Variants in DENND6A observed in about 807,000 individuals in gnomAD.
DENND6A encodes DENN domain containing 6A, also known as protein DENND6A.
In DENND6A, 43 loss-of-function variants were observed where a neutral mutation model predicts 95.5. That is an observed-to-expected ratio of 0.45 (90% confidence interval 0.35 to 0.58). DENND6A has a LOEUF of 0.58. Ranked by LOEUF, DENND6A falls within the 20% of genes least tolerant of loss-of-function variation. DENND6A has a pLI of 0.00. For missense variants in DENND6A, 574 were observed against 736.0 expected, an observed-to-expected ratio of 0.78 and a Z score of 2.55; for synonymous variants, 257 against 260.4, an observed-to-expected ratio of 0.99 and a Z score of 0.13.
At chr3:57,641,983 T>C (rs1236199216) in intron 11 of DENND6A, among the ~76,000 whole-genome samples, 1 of 152,058 alleles carries the variant, frequency 6.6e-6, no homozygotes, top group Non-Finnish European at 1.5e-5. Context: ...CACCCAGTTA[T>C]GATGCCAAAA....
chr3:57,666,240 T>C lies in DENND6A; in HGVS notation c.320-5A>G. 6.2e-7 allele frequency: 1 copy of C among 1,601,974 alleles called. No homozygotes were observed. On this transcript the variant is annotated splice_region_variant and splice_polypyrimidine_tract_variant and intron_variant, in intron 3 of 19. Transcript: ENST00000311128. Reference sequence around the variant, plus strand: ...ACTGGGTATCTCCAAGACAACCTAATGAAAATAAAAATGAAATAAATTAAG... The same window carrying C: ...ACTGGGTATCTCCAAGACAACCTAACGAAAATAAAAATGAAATAAATTAAG...
At chr3:57,639,260 C>T (rs897175651) in intron 12 of DENND6A, among the ~76,000 whole-genome samples, 4 of 152,206 alleles carry the variant, frequency 2.6e-5, no homozygotes, top group African/African-American at 4.8e-5. Flanking sequence ...AAAATGACAA[C>T]ATCAAATGTT....
intron 9 of DENND6A, among the ~76,000 whole-genome samples, chr3:57,651,018 AGATGATCTG>A (rs1267261307): frequency 6.6e-5 from 10 of 152,190 alleles, no homozygotes; most frequent in Admixed American, 6.5e-4. Context: ...TCCCGATCTC[AGATGATCTG>A]ACCACCTTGG....
At chr3:57,651,846 G>T (rs903288313) in intron 9 of DENND6A, among the ~76,000 whole-genome samples, 1 of 152,064 alleles carries the variant, frequency 6.6e-6, no homozygotes, top group Non-Finnish European at 1.5e-5. Context: ...GGTAATAATG[G>T]ATTAGAATCT....
intron 19 of DENND6A, 140 bp from the exon 20 acceptor site, chr3:57,628,485 G>T: frequency 8.2e-7 from 1 of 1,218,384 alleles, no homozygotes; most frequent in Non-Finnish European, 1.1e-6. Flanking sequence ...AACTAAAAAA[G>T]CAAGGAGCAT....
At chr3:57,651,345 G>A (rs115190210) in intron 9 of DENND6A, among the ~76,000 whole-genome samples, 1,981 of 152,296 alleles carry the variant, frequency 0.013, 48 homozygotes, top group African/African-American at 0.045. Context: ...AGGAGCATCT[G>A]TACTGATTCA....
chr3:57,649,148 T>C (rs1405150205), intron 9 of DENND6A, among the ~76,000 whole-genome samples: 1 of 152,030 alleles, frequency 6.6e-6, no homozygotes, highest in Non-Finnish European at 1.5e-5. Context: ...ATAAGGAACT[T>C]AAATCAGCAA....
At chr3:57,637,241 G>A (rs1478715718) in intron 12 of DENND6A, among the ~76,000 whole-genome samples, 1 of 152,144 alleles carries the variant, frequency 6.6e-6, no homozygotes, top group African/African-American at 2.4e-5. Flanking sequence ...GCTGGTTACT[G>A]CCATCATTCA....
intron 3 of DENND6A, among the ~76,000 whole-genome samples, chr3:57,671,543 G>T (rs1290845541): frequency 6.6e-6 from 1 of 150,744 alleles, no homozygotes; most frequent in Non-Finnish European, 1.5e-5. Context: ...AAAAAAAAAA[G>T]GAAGTAACCA....
rs2153411448 is a variant in DENND6A, at chr3:57,627,300, TG to T, written c.*913del. On this transcript the variant is annotated 3_prime_UTR_variant, in exon 20 of 20. Coordinates refer to ENST00000311128, the MANE Select transcript of DENND6A (RefSeq NM_152678.3). The stretch of plus-strand genomic sequence containing the variant: ...CTGGGATTACAGGCGCGTGCCACCA[TG>T]CCTGGCTAATTTTTGTATTTTTACT... The T allele has an allele frequency of 6.6e-6, 1 of 152,130 alleles. No individual in the cohort carries two copies. The highest frequency in any genetic ancestry group is 2.4e-5 in the African/African-American group (1 of 41,496). 9.4% of individuals were successfully genotyped at this position (152,130 alleles called of 1,614,324 possible).
chr3:57,673,669 C>T (rs1329734820), intron 1 of DENND6A, among the ~76,000 whole-genome samples: 1 of 152,164 alleles, frequency 6.6e-6, no homozygotes, highest in African/African-American at 2.4e-5. Context: ...TGCATGTCTG[C>T]ATCAAAATAT....
intron 12 of DENND6A, 30 bp downstream of exon 12, chr3:57,641,623 T>C (rs746154975): frequency 6.3e-7 from 1 of 1,584,258 alleles, no homozygotes; most frequent in East Asian, 2.2e-5. Flanking sequence ...CACTGCACAC[T>C]AGAAACAGAA....
intron 11 of DENND6A, among the ~76,000 whole-genome samples, chr3:57,644,114 C>T (rs2153413582): frequency 6.7e-6 from 1 of 148,466 alleles, no homozygotes; most frequent in African/African-American, 2.5e-5. Context: ...GGCGCCATTG[C>T]ACTCCCTCCT....
Position 57,659,175 on chromosome 3 carries a change from C to T in DENND6A, c.705G>A (p.Arg235=). ...CAGGCTTGTCATGACATGTGGGAATCCGTACCTAAAAGAAAGACAGGAAAT... is the reference window on the plus strand; with the variant it reads ...CAGGCTTGTCATGACATGTGGGAATTCGTACCTAAAAGAAAGACAGGAAAT... ...LPIMGVVMKV[R]IPTCHDKPGT... The change falls in exon 8 of 20, where the codon CGG becomes CGA. Residue 235 remains arginine, a synonymous_variant. Coordinates refer to ENST00000311128, the MANE Select transcript of DENND6A (RefSeq NM_152678.3). The T allele has an allele frequency of 6.2e-7, 1 of 1,613,918 alleles. No individual in the cohort carries two copies.
chr3:57,676,855 G>A (rs1357686175), intron 1 of DENND6A, among the ~76,000 whole-genome samples: 1 of 151,132 alleles, frequency 6.6e-6, no homozygotes, highest in Non-Finnish European at 1.5e-5. Flanking sequence ...ACAGAGTCTC[G>A]CTCTGTCACC....
intron 6 of DENND6A, 129 bp downstream of exon 6, chr3:57,661,317 T>C: frequency 1.4e-6 from 1 of 698,198 alleles, no homozygotes; most frequent in Non-Finnish European, 2.2e-6. Context: ...TTTTATACCT[T>C]TCTCCTATCA....
At chr3:57,660,335 C>T (rs2071399237) in intron 7 of DENND6A, among the ~76,000 whole-genome samples, 1 of 151,974 alleles carries the variant, frequency 6.6e-6, no homozygotes, top group Admixed American at 6.6e-5. Context: ...TGTGCACCAC[C>T]ATGCCCCGTT....
At chr3:57,686,731 A>C (rs956732377) in intron 1 of DENND6A, among the ~76,000 whole-genome samples, 1 of 152,190 alleles carries the variant, frequency 6.6e-6, no homozygotes, top group African/African-American at 2.4e-5. Context: ...TTAATCAATA[A>C]ATACATGTGT....
intron 1 of DENND6A, among the ~76,000 whole-genome samples, chr3:57,673,468 T>C (rs1018572770): frequency 1.3e-5 from 2 of 152,062 alleles, no homozygotes; most frequent in Admixed American, 6.6e-5. Flanking sequence ...GGTTAAGGGC[T>C]ACAAAAATAC....
Sources: gnomAD v4.1 joint callset for allele counts (sites outside exome capture counted in the v4.1 genomes callset) on GRCh38, gnomAD v4.1.1 for gene constraint, MANE v1.5 for transcripts, NCBI Gene and HGNC (gene_info 2026-07-23, HGNC 2026-07-21) for gene names.